MED16: variants seen among roughly 807,000 people sequenced by gnomAD.
The protein encoded by MED16 is mediator of RNA polymerase II transcription subunit 16.
Under a neutral mutation model 84.4 loss-of-function variants are expected in MED16, and 81 were observed. That is an observed-to-expected ratio of 0.96 (90% CI 0.80 to 1.15). The LOEUF (loss-of-function observed/expected upper bound fraction) is 1.15. Among genes scored for constraint, MED16 ranks in the 50% most tolerant of loss-of-function variants. The pLI, the probability that MED16 is intolerant of heterozygous loss-of-function variation, is 0.00. For synonymous variants in MED16, 897 were observed against 552.2 expected (o/e 1.62, Z -8.76); for missense variants, 1,585 against 1,245.9 (o/e 1.27, Z -4.10).
rs371787399 is a variant in MED16 at position 868,886 on chromosome 19, C to T, written c.2376G>A (p.Thr792=). 87 of 1,551,506 alleles carry T rather than the reference C, an allele frequency of 5.6e-5. No homozygotes were observed. In the East Asian group the frequency reaches 1.1e-3, roughly 20 times the overall value. Residue 792 remains threonine (T), a synonymous_variant, in exon 14 of 16, where the codon ACG becomes ACA. Transcript: ENST00000325464. ...LRRLHLGACP[T]EECKACTRCG... is the part of the protein sequence containing the mutation. The stretch of plus-strand genomic sequence containing the variant: ...ACCTGGTGCAGGCCTTGCATTCCTC[C>T]GTGGGGCAAGCGCCAAGGTGCAGCC...
intron 12 of MED16, chr19:871,698 C>G (rs768356865): frequency 2.9e-6 from 4 of 1,385,448 alleles, no homozygotes; most frequent in Admixed American, 3.7e-5. Context: ...AGAGCCACTG[C>G]CACCTGCAGG....
At position 868,262 on chromosome 19, in the gene MED16, GGCTGAGGTTAACCGC is replaced by G; in HGVS notation, c.2484-26_2484-12del. The G allele has an allele frequency of 6.3e-7, 1 of 1,593,276 alleles. No individual in the cohort carries two copies. Among genetic ancestry groups the G allele is most frequent in the Admixed American group, 1.8e-5 (1 of 56,368 alleles). On this transcript the variant is annotated splice_polypyrimidine_tract_variant and intron_variant, in intron 15 of 15. Transcript: ENST00000325464. Reference sequence around the variant, plus strand: ...CGGCCTTCAACAGCCCTGCAGGGCGGGCTGAGGTTAACCGCGCCGAGGAGAGTCCAGGGCGAGCGG... The same window carrying G: ...CGGCCTTCAACAGCCCTGCAGGGCGGGCCGAGGAGAGTCCAGGGCGAGCGG...
intron 13 of MED16, among the ~76,000 whole-genome samples, chr19:870,806 A>C (rs1661392339): frequency 8.8e-6 from 1 of 114,094 alleles, no homozygotes. Flanking sequence ...GGGGCAGGAC[A>C]TGGAGGGAGG....
chr19:868,735 A>G (rs574169594), intron 14 of MED16, 128 bp downstream of exon 14: 9 of 1,151,204 alleles, frequency 7.8e-6, no homozygotes, highest in African/African-American at 7.8e-5. Flanking sequence ...TCCTGGCTCC[A>G]ACACTCCCTC....
At chr19:890,387 A>C in intron 2 of MED16, 143 bp from the exon 3 acceptor site, 6 of 587,270 alleles carry the variant, frequency 1.0e-5, no homozygotes, top group Non-Finnish European at 1.8e-5. Context: ...TCGACAGCTC[A>C]GGGAACAGGC....
intron 4 of MED16, among the ~76,000 whole-genome samples, 187 bp from the exon 5 acceptor site, chr19:886,388 G>A (rs191887647): frequency 5.3e-4 from 81 of 152,382 alleles, no homozygotes; most frequent in African/African-American, 1.9e-3. Flanking sequence ...CTCCTCATCT[G>A]TAAGGTGGAA....
At chr19:878,255 C>T (rs1472942897) in intron 8 of MED16, among the ~76,000 whole-genome samples, 36 of 67,558 alleles carry the variant, frequency 5.3e-4, no homozygotes, top group African/African-American at 2.0e-3. Flanking sequence ...CAGCCCCAGC[C>T]CCACGGGCCC....
intron 4 of MED16, among the ~76,000 whole-genome samples, chr19:887,821 C>G (rs1469187021): frequency 6.6e-6 from 1 of 151,968 alleles, no homozygotes; most frequent in African/African-American, 2.4e-5. Flanking sequence ...ACAGGCAGAT[C>G]CAGAGAGACA....
chr19:877,313 C>A, intron 8 of MED16, 133 bp from the exon 9 acceptor site: 1 of 783,104 alleles, frequency 1.3e-6, no homozygotes, highest in Non-Finnish European at 2.0e-6. Context: ...GGCCTGTGTG[C>A]GCGCATGTGT....
Position 871,026 on chromosome 19 carries a change from G to C in MED16, c.2315+11C>G. The C allele has an allele frequency of 6.5e-7, 1 of 1,536,520 alleles. No homozygotes were observed. The highest frequency in any genetic ancestry group is 2.5e-5 in the East Asian group (1 of 40,518). On this transcript the variant is annotated intron_variant, in intron 13 of 15. Coordinates refer to ENST00000325464, the MANE Select transcript of MED16 (RefSeq NM_005481.3). ...TCCTGTGTTTGGGGACCAATGCAGG[G>C]ACACACGCACCTGGCGAGGCCGTCG...
At chr19:886,579 G>A (rs946435129) in intron 4 of MED16, among the ~76,000 whole-genome samples, 3 of 152,224 alleles carry the variant, frequency 2.0e-5, no homozygotes, top group Non-Finnish European at 2.9e-5. Flanking sequence ...ACAGGCAGCT[G>A]GTGCCAATGA....
chr19:873,574 T>C lies in MED16; in HGVS notation c.1780A>G (p.Lys594Glu). 6.2e-7 allele frequency: 1 copy of C among 1,612,250 alleles called. No homozygotes were observed. The highest frequency in any genetic ancestry group is 8.5e-7 in the Non-Finnish European group (1 of 1,179,636). The change falls in exon 11 of 16, where the codon AAG (lysine) becomes GAG (glutamate). Residue 594 changes from lysine to glutamate, a missense_variant. By Grantham distance (56) the Lys-to-Glu change is moderately conservative (BLOSUM62 1). Coordinates refer to ENST00000325464, the MANE Select transcript of MED16 (RefSeq NM_005481.3). ...TCCGTCTTGAGGTTGATCATGACCT[T>C]GTCAATGTCTACAAGGAGACGTGGG... ...CTKITDVDID[K>E]VMINLKTEEF...
intron 8 of MED16, among the ~76,000 whole-genome samples, chr19:877,928 C>G: frequency 7.2e-6 from 1 of 139,568 alleles, no homozygotes; most frequent in Non-Finnish European, 1.6e-5. Flanking sequence ...CAGCAGCTCA[C>G]CTTCCCGTGG....
chr19:870,816 G>A (rs1373433723), intron 13 of MED16, among the ~76,000 whole-genome samples: 5 of 148,042 alleles, frequency 3.4e-5, no homozygotes, highest in Non-Finnish European at 7.5e-5. Context: ...ATGGAGGGAG[G>A]GAGCCGTGTG....
At position 877,038 on chromosome 19, in the gene MED16, A is replaced by G. The variant is rs1014380646; in HGVS notation, c.1496T>C (p.Met499Thr). ...WDILLHVQPS[M>T]VQSLVEKLHE... ...CAGCTTCTCCACCAGGCTCTGTACC[A>G]TACTGGGCTGCACGTGCAGCAGGAT... The change falls in exon 9 of 16, where the codon ATG becomes ACG. Residue 499 changes from methionine (M) to threonine (T), a missense_variant. Transcript: ENST00000325464. The G allele has an allele frequency of 1.2e-6, 2 of 1,612,446 alleles. No individual in the cohort carries two copies. Among genetic ancestry groups the G allele is most frequent in the Admixed American group, 3.3e-5 (2 of 59,992 alleles).
In MED16 at chr19:872,181, G is replaced by A. The variant is rs552157806; in HGVS notation, c.1906-63C>T. On this transcript the variant is annotated intron_variant, in intron 11 of 15. Transcript: ENST00000325464. Reference sequence around the variant, plus strand: ...GGGGCAGATGGCGATGGGATGAAGTGTCTTGGGGTCGGTGGAACCCCGACC... The same window carrying A: ...GGGGCAGATGGCGATGGGATGAAGTATCTTGGGGTCGGTGGAACCCCGACC... The A allele has an allele frequency of 3.3e-5, 48 of 1,454,140 alleles. No homozygotes were observed. The South Asian group carries it at 5.0e-4, about 15-fold the overall frequency. The allele number at this position is 1,454,140 out of a possible 1,614,324, so 90.1% of individuals were successfully genotyped here. A position where few individuals can be genotyped will look rare whatever the true frequency, so the allele number is the denominator to read the frequency against.
intron 10 of MED16, 59 bp downstream of exon 10, chr19:875,185 A>T (rs1399678803): frequency 8.4e-6 from 10 of 1,184,342 alleles, no homozygotes; most frequent in Non-Finnish European, 1.0e-5. Flanking sequence ...AAAAATAAAT[A>T]AAAATAAAAT....
intron 1 of MED16, among the ~76,000 whole-genome samples, chr19:892,128 T>G (rs1165587174): frequency 6.6e-6 from 1 of 152,016 alleles, no homozygotes. Flanking sequence ...GCGCCTGGCA[T>G]CCAGACGGGC....
chr19:876,642 G>C (rs1425007911), intron 9 of MED16, among the ~76,000 whole-genome samples: 1 of 152,028 alleles, frequency 6.6e-6, no homozygotes, highest in African/African-American at 2.4e-5. Context: ...AGCCTCACCT[G>C]CCACAGGCTA....
Sources: allele counts gnomAD v4.1 joint callset (sites outside exome capture counted in the v4.1 genomes callset), GRCh38; gene constraint gnomAD v4.1.1; transcripts MANE v1.5; gene names NCBI Gene and HGNC (gene_info 2026-07-23, HGNC 2026-07-21).